Variants in RNF24 observed in about 807,000 individuals in gnomAD.
RNF24 encodes the protein ring finger protein 24.
Under a neutral mutation model 20.0 loss-of-function variants are expected in RNF24, and 14 were observed. The observed-to-expected ratio is 0.70, with a 90% CI of 0.46 to 1.10. The LOEUF is 1.10. Ranked by LOEUF, RNF24 falls within the 50% of genes least tolerant of loss-of-function variation. The pLI is 0.00. For missense variants in RNF24, 124 were observed against 177.6 expected (o/e 0.70, Z 1.71); for synonymous variants, 45 against 61.1 (o/e 0.74, Z 1.23).
In RNF24 at chr20:3,928,842, GC is replaced by G. The variant is rs2146921519; in HGVS notation, c.*5220del. The G allele has an allele frequency of 6.7e-6, 1 of 150,088 alleles. No individual in the cohort carries two copies. Among genetic ancestry groups the G allele is most frequent in the Non-Finnish European group, 1.5e-5 (1 of 67,648 alleles). 9.3% of individuals were successfully genotyped at this position (150,088 alleles called of 1,614,324 possible). ...GCATAAAGGGAAAATTCTGTAGGAA[GC>G]ATTTTCTTTTCTTGTGTGTTTTTTT... On this transcript the variant is annotated 3_prime_UTR_variant, in exon 6 of 6. Coordinates refer to ENST00000358395, the MANE Select transcript of RNF24 (RefSeq NM_001134337.3).
chr20:3,996,489 G>A (rs1413924781), intron 1 of RNF24, among the ~76,000 whole-genome samples: 1 of 152,114 alleles, frequency 6.6e-6, no homozygotes, highest in Non-Finnish European at 1.5e-5. Flanking sequence ...AATGGTAGCT[G>A]CTCTTTGGTT....
chr20:3,933,826 C>T lies in RNF24; in HGVS notation c.*237G>A. ...GAGACCCTCATGAAGTTTCTTGAGG[C>T]AAACCCGCAGGCTCATCCACTCCTC... On this transcript the variant is annotated 3_prime_UTR_variant, in exon 6 of 6. Transcript: ENST00000358395. 2.9e-6 allele frequency: 1 copy of T among 344,846 alleles called. No homozygotes were observed. Among genetic ancestry groups the T allele is most frequent in the East Asian group, 4.5e-5 (1 of 22,410 alleles). The allele number at this position is 344,846 out of a possible 1,614,324, so 21.4% of individuals were successfully genotyped here.
chr20:3,991,247 CTTTTT>C (rs10599625), intron 1 of RNF24, among the ~76,000 whole-genome samples: 1 of 82,784 alleles, frequency 1.2e-5, no homozygotes. Context: ...TTTTAAACAA[CTTTTT>C]TTTTTTTTTT....
In RNF24 at chr20:3,934,132, G is replaced by A; in HGVS notation, c.378C>T (p.Ala126=). The A allele has an allele frequency of 6.3e-7, 1 of 1,585,692 alleles. No individual in the cohort carries two copies. Among genetic ancestry groups the A allele is most frequent in the Non-Finnish European group, 8.6e-7 (1 of 1,166,664 alleles). Residue 126 remains alanine, a synonymous_variant, in exon 6 of 6, where the codon GCC becomes GCT. Transcript: ENST00000358395. The surrounding 1 kb of genome is among the most constrained non-coding windows in gnomAD (Gnocchi z 4.0). ...PLCNMPVLQL[A]QLHSKQDRGP... ...CACGGTCCTGCTTACTGTGCAACTGGGCCAGCTGTAGAACTGGCATGTTGC... is the reference window on the plus strand; with the variant it reads ...CACGGTCCTGCTTACTGTGCAACTGAGCCAGCTGTAGAACTGGCATGTTGC...
In RNF24 at chr20:3,988,457, C is replaced by CT. The variant is rs71195876; in HGVS notation, c.-7-24434dup. Among the ~76,000 whole-genome samples, 282 of 99,576 alleles carry CT rather than the reference C, an allele frequency of 2.8e-3. 5 individuals are homozygous for CT. Among genetic ancestry groups the CT allele is most frequent in the Non-Finnish European group, 3.3e-3 (161 of 48,502 alleles). 65.3% of individuals were successfully genotyped at this position (99,576 alleles called of 152,430 possible). ...TAGAGATGGCTCATGAAAAGAAACT[C>CT]TTTTTTTTTTTTTTTTTTTTGAGAC... On this transcript the variant is annotated intron_variant, in intron 1 of 5. Coordinates refer to ENST00000358395, the MANE Select transcript of RNF24 (RefSeq NM_001134337.3).
chr20:3,978,199 G>T (rs6076577), intron 1 of RNF24, among the ~76,000 whole-genome samples: 1 of 151,116 alleles, frequency 6.6e-6, no homozygotes, highest in Admixed American at 6.6e-5. Flanking sequence ...CACCATACCC[G>T]GCTAATTTTT....
chr20:3,964,009 CGAGCTCATGGAT>C lies in RNF24; in HGVS notation c.-4_8del. 1 of 1,612,318 alleles carries C rather than the reference CGAGCTCATGGAT, an allele frequency of 6.2e-7. No homozygotes were observed. The highest frequency in any genetic ancestry group is 1.3e-5 in the African/African-American group (1 of 74,864). On this transcript the variant is annotated start_lost and 5_prime_UTR_variant, in exon 2 of 6. Transcript: ENST00000358395. ...TCCTGAAGTTGTAATGTGGGAAATC[CGAGCTCATGGAT>C]GAACTGTGGGGGAAGAAAAGAATGG...
intron 1 of RNF24, among the ~76,000 whole-genome samples, chr20:4,012,183 C>T (rs1174564936): frequency 1.4e-4 from 21 of 152,104 alleles, no homozygotes; most frequent in Admixed American, 1.4e-3. Context: ...GAGGCTAAGG[C>T]AGGCAGATGG....
intron 1 of RNF24, among the ~76,000 whole-genome samples, chr20:3,975,510 T>A (rs1182862805): frequency 2.0e-5 from 3 of 152,068 alleles, no homozygotes; most frequent in Non-Finnish European, 4.4e-5. Context: ...GTATGCCTGA[T>A]AAAGGGCTAA....
chr20:3,985,232 C>CT (rs542913006), intron 1 of RNF24, among the ~76,000 whole-genome samples: 1,542 of 152,182 alleles, frequency 0.01, 16 homozygotes, highest in African/African-American at 0.035. Context: ...AATGTTTTAG[C>CT]TTTTTTTCAT....
rs1027716284 is a variant in RNF24, at chr20:3,931,397, AAAAT to A, written c.*2662_*2665del. ...GGGGTCCCTAACTCATTCCTTTTTCAAAATAAATAAAAAAAGGACTGTCTTTCAA... is the reference window on the plus strand; with the variant it reads ...GGGGTCCCTAACTCATTCCTTTTTCAAAATAAAAAAAGGACTGTCTTTCAA... On this transcript the variant is annotated 3_prime_UTR_variant, in exon 6 of 6. Coordinates refer to ENST00000358395, the MANE Select transcript of RNF24 (RefSeq NM_001134337.3). The A allele has an allele frequency of 3.3e-5, 5 of 152,250 alleles. No homozygotes were observed. The highest frequency in any genetic ancestry group is 3.3e-4 in the Admixed American group (5 of 15,270). 9.4% of individuals were successfully genotyped at this position (152,250 alleles called of 1,614,324 possible).
At chr20:3,962,625 A>G (rs2091214899) in intron 2 of RNF24, among the ~76,000 whole-genome samples, 1 of 151,010 alleles carries the variant, frequency 6.6e-6, no homozygotes, top group African/African-American at 2.5e-5. Context: ...GTTAACAGTT[A>G]CTTTACACAG....
At position 3,931,035 on chromosome 20, in the gene RNF24, TG is replaced by T. The variant is rs1421233479; in HGVS notation, c.*3027del. On this transcript the variant is annotated 3_prime_UTR_variant, in exon 6 of 6. Transcript: ENST00000358395. Reference sequence around the variant, plus strand: ...AAAGCAGCAGATGTCAACTTCCTAGTGTCTGATACTGACCCAACCAGGAATC... The same window carrying T: ...AAAGCAGCAGATGTCAACTTCCTAGTTCTGATACTGACCCAACCAGGAATC... 1 of 152,272 alleles carries T rather than the reference TG, an allele frequency of 6.6e-6. No homozygotes were observed. The highest frequency in any genetic ancestry group is 1.9e-4 in the East Asian group (1 of 5,198). 9.4% of individuals were successfully genotyped at this position (152,272 alleles called of 1,614,324 possible).
At position 3,965,016 on chromosome 20, in the gene RNF24, G is replaced by T. The variant is rs6116127; in HGVS notation, c.-7-992C>A. ...AGTGTTGTTTAAACATTAAAAAAAA[G>T]GACTATTTCTGTCAGTTTGTTTGAG... On this transcript the variant is annotated intron_variant, in intron 1 of 5. Coordinates refer to ENST00000358395, the MANE Select transcript of RNF24 (RefSeq NM_001134337.3). Among the ~76,000 whole-genome samples the T allele has an allele frequency of 3.6e-3, 542 of 152,094 alleles. 2 individuals carry two copies. Among genetic ancestry groups the T allele is most frequent in the Non-Finnish European group, 3.4e-3 (230 of 67,976 alleles).
intron 1 of RNF24, among the ~76,000 whole-genome samples, chr20:3,997,649 C>T (rs766533123): frequency 6.6e-6 from 1 of 152,120 alleles, no homozygotes; most frequent in Non-Finnish European, 1.5e-5. Context: ...TGCTCTCAAA[C>T]CCCTGGGCTC....
rs1409332364 is a variant in RNF24, at chr20:3,932,909, T to C, written c.*1154A>G. On this transcript the variant is annotated 3_prime_UTR_variant, in exon 6 of 6. Transcript: ENST00000358395. ...TCTCTCCTATAAAGACACTTTCACT[T>C]TCAGTTTCGGAAGTCCAAATACTGA... The C allele has an allele frequency of 5.0e-6, 2 of 398,476 alleles. No individual in the cohort carries two copies. Among genetic ancestry groups the C allele is most frequent in the Non-Finnish European group, 8.8e-6 (2 of 226,058 alleles). The allele number at this position is 398,476 out of a possible 1,614,324, so 24.7% of individuals were successfully genotyped here. A position where few individuals can be genotyped will look rare whatever the true frequency, so the allele number is the denominator to read the frequency against.
At chr20:3,978,795 C>T (rs1979124272) in intron 1 of RNF24, among the ~76,000 whole-genome samples, 1 of 152,014 alleles carries the variant, frequency 6.6e-6, no homozygotes, top group Non-Finnish European at 1.5e-5. Context: ...AGGACATAAA[C>T]AATACCATTA....
chr20:3,988,963 GA>G (rs1600698623), intron 1 of RNF24, among the ~76,000 whole-genome samples: 1 of 152,086 alleles, frequency 6.6e-6, no homozygotes, highest in East Asian at 1.9e-4. Context: ...TCTGTATTAA[GA>G]AAATATAAAA....
chr20:3,982,334 T>C (rs1979480586), intron 1 of RNF24, among the ~76,000 whole-genome samples: 1 of 151,694 alleles, frequency 6.6e-6, no homozygotes, highest in Non-Finnish European at 1.5e-5. Context: ...TCCCAGCACT[T>C]TGGGAGGCCG....
Sources: allele counts gnomAD v4.1 joint callset (sites outside exome capture counted in the v4.1 genomes callset), GRCh38; gene constraint gnomAD v4.1.1; non-coding constraint Gnocchi (gnomAD v3.1); transcripts MANE v1.5; gene names NCBI Gene and HGNC (gene_info 2026-07-23, HGNC 2026-07-21).